Variants in SEMA6D observed in about 807,000 individuals in gnomAD.
SEMA6D encodes semaphorin 6D.
A neutral mutation model predicts 106.6 loss-of-function variants in SEMA6D; 35 were observed. That is an observed-to-expected ratio of 0.33 (90% confidence interval 0.25 to 0.44). SEMA6D has a LOEUF of 0.44. SEMA6D is among the 20% of genes least tolerant of loss of function. The pLI is 1.00. For synonymous variants in SEMA6D, 499 were observed against 487.7 expected (o/e 1.02, Z -0.31); for missense variants, 1,185 against 1,345.9 (o/e 0.88, Z 1.87).
rs545328091 is a variant in SEMA6D at position 47,673,497 on chromosome 15, A to G, written c.-55+72601A>G. On this transcript the variant is annotated intron_variant, in intron 4 of 19. Transcript: ENST00000558014. ...TGGGAATGCTGCCTACATGCTGCCTATCACAGAATGACCGGGCAGGTCCAG... is the reference window on the plus strand; with the variant it reads ...TGGGAATGCTGCCTACATGCTGCCTGTCACAGAATGACCGGGCAGGTCCAG... Among the ~76,000 whole-genome samples, 12 of 152,298 alleles carry G rather than the reference A, an allele frequency of 7.9e-5. No individual in the cohort carries two copies. In the South Asian group the frequency reaches 2.5e-3, roughly 32 times the overall value.
chr15:47,751,335 G>A (rs1052230186), intron 1 of SEMA6D, among the ~76,000 whole-genome samples: 1 of 152,132 alleles, frequency 6.6e-6, no homozygotes, highest in Non-Finnish European at 1.5e-5. Flanking sequence ...CCAAGGTATA[G>A]CAATCAAGTT....
intron 3 of SEMA6D, among the ~76,000 whole-genome samples, chr15:47,523,662 C>T (rs1038485311): frequency 3.3e-5 from 5 of 152,204 alleles, no homozygotes; most frequent in South Asian, 2.1e-4. Flanking sequence ...TGTCCACCAT[C>T]TATTTTTGAA....
intron 1 of SEMA6D, among the ~76,000 whole-genome samples, chr15:47,283,801 G>C (rs1382046396): frequency 1.3e-5 from 2 of 152,174 alleles, no homozygotes; most frequent in Non-Finnish European, 2.9e-5. Context: ...ACTCACCCTT[G>C]CCACAGCTGG....
At chr15:47,596,671 C>G (rs2143174245) in intron 3 of SEMA6D, among the ~76,000 whole-genome samples, 1 of 152,062 alleles carries the variant, frequency 6.6e-6, no homozygotes, top group African/African-American at 2.4e-5. Flanking sequence ...GCCAAGAACA[C>G]AATCAGTAAA....
intron 3 of SEMA6D, among the ~76,000 whole-genome samples, chr15:47,571,291 A>C (rs1049265608): frequency 6.6e-6 from 1 of 152,222 alleles, no homozygotes; most frequent in Non-Finnish European, 1.5e-5. Flanking sequence ...CTGGAGCCCA[A>C]TTTGGAAGAA....
intron 3 of SEMA6D, among the ~76,000 whole-genome samples, chr15:47,579,954 T>A (rs1472499021): frequency 6.6e-6 from 1 of 152,196 alleles, no homozygotes; most frequent in Non-Finnish European, 1.5e-5. Flanking sequence ...TCAGAAAATT[T>A]AAAGGAAAGA....
intron 1 of SEMA6D, among the ~76,000 whole-genome samples, chr15:47,388,415 G>A (rs190524202): frequency 6.6e-6 from 1 of 152,130 alleles, no homozygotes; most frequent in East Asian, 1.9e-4. Context: ...TTTAAATCTT[G>A]TGCCCTTCTG....
At chr15:47,764,336 T>G (rs1375503376) in intron 11 of SEMA6D, 31 bp downstream of exon 11, 3 of 1,602,946 alleles carry the variant, frequency 1.9e-6, no homozygotes, top group Non-Finnish European at 2.6e-6. Flanking sequence ...GGGTTTTGTC[T>G]TGAACAAAAC....
chr15:47,619,063 C>T (rs1294998727), intron 4 of SEMA6D, among the ~76,000 whole-genome samples: 3 of 152,128 alleles, frequency 2.0e-5, no homozygotes, highest in Non-Finnish European at 4.4e-5. Flanking sequence ...GGAACTCAGC[C>T]GACGTTGCAG....
chr15:47,627,987 G>A (rs377495609), intron 4 of SEMA6D, among the ~76,000 whole-genome samples: 10 of 152,096 alleles, frequency 6.6e-5, no homozygotes, highest in African/African-American at 2.4e-4. Context: ...ATTGCCTGAA[G>A]AGTCCTCTTT....
At chr15:47,393,679 C>CCT (rs1567048374) in intron 1 of SEMA6D, among the ~76,000 whole-genome samples, 2 of 152,096 alleles carry the variant, frequency 1.3e-5, no homozygotes, top group Non-Finnish European at 2.9e-5. Context: ...GCATAGCCAA[C>CCT]CTTAACAGGG....
chr15:47,379,938 G>A (rs1279958857), intron 1 of SEMA6D, among the ~76,000 whole-genome samples: 2 of 151,968 alleles, frequency 1.3e-5, no homozygotes, highest in Non-Finnish European at 2.9e-5. Flanking sequence ...TGTACTTTTA[G>A]TAGAGACGGG....
chr15:47,518,637 C>T (rs1358368198), intron 3 of SEMA6D, among the ~76,000 whole-genome samples: 5 of 152,018 alleles, frequency 3.3e-5, no homozygotes, highest in Admixed American at 3.3e-4. Flanking sequence ...AGCAAAAGTA[C>T]GATCTAATGG....
At chr15:47,676,150 G>GT (rs1252931110) in intron 4 of SEMA6D, among the ~76,000 whole-genome samples, 3 of 152,094 alleles carry the variant, frequency 2.0e-5, no homozygotes, top group Non-Finnish European at 4.4e-5. Context: ...TAATCTCTAG[G>GT]TTTTCTCACC....
chr15:47,564,155 A>G lies in SEMA6D; in HGVS notation c.-86-36710A>G, dbSNP rs141767562. ...GGTCTTGAGACTGTGTACAATGTAC[A>G]TAATGCCCATGCAAGCTCCTCTGAA... On this transcript the variant is annotated intron_variant, in intron 3 of 19. Coordinates refer to the SEMA6D transcript ENST00000558014. 9.9e-3 allele frequency among the ~76,000 whole-genome samples: 1,512 copies of G among 152,364 alleles called. 10 individuals are homozygous for G. Among genetic ancestry groups the G allele is most frequent in the Admixed American group, 0.021 (319 of 15,310 alleles).
At chr15:47,374,658 T>C (rs1213172017) in intron 1 of SEMA6D, among the ~76,000 whole-genome samples, 1 of 152,192 alleles carries the variant, frequency 6.6e-6, no homozygotes, top group East Asian at 1.9e-4. Context: ...GTTTTCTATA[T>C]GATTGCTGAG....
rs187880659 is a variant in SEMA6D at position 47,232,991 on chromosome 15, T to G, written c.-239+48573T>G. On this transcript the variant is annotated intron_variant, in intron 1 of 19. Transcript: ENST00000558014. ...TTTTGTTTGCTGATTGTATGTTTGG[T>G]GTCATATTTAAGAAACCATTGCTTG... 1.1e-4 allele frequency among the ~76,000 whole-genome samples: 16 copies of G among 152,136 alleles called. No homozygotes were observed. The East Asian group carries it at 3.1e-3, about 29-fold the overall frequency.
chr15:47,257,081 A>G (rs2033844817), intron 1 of SEMA6D, among the ~76,000 whole-genome samples: 1 of 145,598 alleles, frequency 6.9e-6, no homozygotes, highest in African/African-American at 2.5e-5. Flanking sequence ...TTTTTGAGAC[A>G]GAGTCTCGCT....
intron 2 of SEMA6D, among the ~76,000 whole-genome samples, chr15:47,439,832 A>G (rs1470654925): frequency 1.3e-5 from 2 of 152,154 alleles, no homozygotes; most frequent in Non-Finnish European, 2.9e-5. Flanking sequence ...GGATACTGCA[A>G]AAAATTTTTC....
Sources: allele counts gnomAD v4.1 joint callset (sites outside exome capture counted in the v4.1 genomes callset), GRCh38; gene constraint gnomAD v4.1.1; transcripts MANE v1.5; gene names NCBI Gene and HGNC (gene_info 2026-07-23, HGNC 2026-07-21).